GGA2: variants seen among roughly 807,000 people sequenced by gnomAD.
GGA2 encodes the protein ADP-ribosylation factor-binding protein GGA2.
A neutral mutation model predicts 79.5 loss-of-function variants in GGA2; 48 were observed. That is an observed-to-expected ratio of 0.60 (90% CI 0.48 to 0.77). The LOEUF (loss-of-function observed/expected upper bound fraction) is 0.77, where lower values mean the gene tolerates loss of function less well. Ranked by LOEUF, GGA2 falls within the 30% of genes least tolerant of loss-of-function variation. The pLI, the probability that GGA2 is intolerant of heterozygous loss-of-function variation, is 0.00. For missense variants in GGA2, 770 were observed against 774.0 expected (o/e 0.99, Z 0.06); for synonymous variants, 317 against 302.0 (o/e 1.05, Z -0.51).
intron 6 of GGA2, among the ~76,000 whole-genome samples, chr16:23,487,491 C>T (rs1964730182): frequency 6.6e-6 from 1 of 152,172 alleles, no homozygotes; most frequent in African/African-American, 2.4e-5. Flanking sequence ...ACTAGGTCTG[C>T]AGTTGCCCTG....
chr16:23,480,682 T>C lies in GGA2; in HGVS notation c.969A>G (p.Arg323=), dbSNP rs772835267. 1 of 1,613,126 alleles carries C rather than the reference T, an allele frequency of 6.2e-7. No individual in the cohort carries two copies. The highest frequency in any genetic ancestry group is 1.7e-5 in the Admixed American group (1 of 60,030). The change falls in exon 10 of 17, where the codon AGA becomes AGG. Residue 323 remains arginine (R), a synonymous_variant. Coordinates refer to ENST00000309859, the MANE Select transcript of GGA2 (RefSeq NM_015044.4). ...GGATGTCTCCCAATGAGCTGGTCAC[T>C]CTGTTTCCAAAGGTGACCCGGCCCT... is the stretch of plus-strand genomic sequence containing the variant. The part of the protein sequence containing the change: ...VMEGRVTFGN[R]VTSSLGDIPV...
chr16:23,508,937 CT>C (rs572858880), intron 1 of GGA2, among the ~76,000 whole-genome samples: 1 of 150,390 alleles, frequency 6.6e-6, no homozygotes, highest in South Asian at 2.1e-4. Flanking sequence ...TCCTTGTCCC[CT>C]GTCTGCATTC....
chr16:23,470,321 C>G (rs994736831), intron 14 of GGA2, among the ~76,000 whole-genome samples, 156 bp from the exon 15 acceptor site: 1 of 152,144 alleles, frequency 6.6e-6, no homozygotes, highest in African/African-American at 2.4e-5. Flanking sequence ...TAATCCAAGT[C>G]CTCATGACTC....
At chr16:23,468,379 T>C (rs1213571465) in intron 16 of GGA2, among the ~76,000 whole-genome samples, 5 of 152,188 alleles carry the variant, frequency 3.3e-5, no homozygotes, top group Admixed American at 2.6e-4. Context: ...GGTTTCACCA[T>C]GTTGGCCAGG....
upstream of GGA2, among the ~76,000 whole-genome samples, chr16:23,514,897 G>T (rs1332460127): frequency 2.0e-5 from 3 of 152,238 alleles, no homozygotes; most frequent in East Asian, 5.8e-4. Flanking sequence ...CCGCCACACA[G>T]TTTCAGATCT....
chr16:23,474,969 G>A lies in GGA2; in HGVS notation c.1385C>T (p.Pro462Leu), dbSNP rs865953469. The A allele has an allele frequency of 6.2e-7, 1 of 1,612,236 alleles. No homozygotes were observed. Among genetic ancestry groups the A allele is most frequent in the South Asian group, 1.1e-5 (1 of 91,050 alleles). The change falls in exon 14 of 17, where the codon CCT becomes CTT. Residue 462 changes from proline to leucine, a missense_variant. Transcript: ENST00000309859. ...AGGTGTATTCTGTGAAGATGGGGAA[G>A]GAGCCAACGGGCCAGCCTCCCAGGA... The part of the protein sequence containing the change: ...GWSWEAGPLA[P>L]SPSSQNTPLA...
intron 13 of GGA2, among the ~76,000 whole-genome samples, chr16:23,477,575 C>T (rs1964590693): frequency 6.6e-6 from 1 of 151,830 alleles, no homozygotes; most frequent in African/African-American, 2.4e-5. Flanking sequence ...AACCCCATCT[C>T]TACTAAAAAA....
chr16:23,482,072 G>A (rs550824160), intron 9 of GGA2, among the ~76,000 whole-genome samples: 1 of 152,228 alleles, frequency 6.6e-6, no homozygotes, highest in East Asian at 1.9e-4. Flanking sequence ...TTTGAAACCA[G>A]CCTGGCCAAA....
chr16:23,488,224 A>G (rs377072798), intron 6 of GGA2, among the ~76,000 whole-genome samples: 16 of 152,168 alleles, frequency 1.1e-4, no homozygotes, highest in African/African-American at 3.9e-4. Flanking sequence ...CCCACGGGCT[A>G]TCCTTCTGCA....
intron 2 of GGA2, 73 bp from the exon 3 acceptor site, chr16:23,494,451 G>T: frequency 1.0e-6 from 1 of 973,380 alleles, no homozygotes; most frequent in Non-Finnish European, 1.7e-6. Flanking sequence ...AGCATGCTCA[G>T]TAAAATCACT....
At chr16:23,486,296 G>C in intron 7 of GGA2, 144 bp from the exon 8 acceptor site, 1 of 711,836 alleles carries the variant, frequency 1.4e-6, no homozygotes, top group African/African-American at 1.8e-5. Context: ...CTCACACAGT[G>C]GGTGAAAAAA....
At chr16:23,492,050 C>A (rs979776345) in intron 4 of GGA2, among the ~76,000 whole-genome samples, 2 of 152,218 alleles carry the variant, frequency 1.3e-5, no homozygotes, top group African/African-American at 4.8e-5. Context: ...CTGTTCTACA[C>A]CACTGGGGAC....
chr16:23,493,867 G>T, intron 3 of GGA2: 1 of 295,596 alleles, frequency 3.4e-6, no homozygotes, highest in Non-Finnish European at 6.5e-6. Context: ...CCCTCCTCTC[G>T]TCCATACTGT....
chr16:23,503,001 T>G (rs1331934045), intron 1 of GGA2, among the ~76,000 whole-genome samples: 1 of 152,240 alleles, frequency 6.6e-6, no homozygotes, highest in Non-Finnish European at 1.5e-5. Context: ...TGCTGTCTTT[T>G]GTTACACCCT....
chr16:23,521,150 CTCAG>C (rs1965138965), intron 1 of GGA2, among the ~76,000 whole-genome samples: 1 of 152,108 alleles, frequency 6.6e-6, no homozygotes, highest in Non-Finnish European at 1.5e-5. Flanking sequence ...AATTTACCAT[CTCAG>C]TCATTTTTAA....
intron 14 of GGA2, among the ~76,000 whole-genome samples, chr16:23,471,888 G>A (rs572920125): frequency 2.6e-5 from 4 of 152,032 alleles, no homozygotes; most frequent in Admixed American, 6.6e-5. Flanking sequence ...CTGCCTAGGC[G>A]ATGGAGCGAG....
chr16:23,504,443 C>T (rs566650729), intron 1 of GGA2, among the ~76,000 whole-genome samples: 5 of 152,230 alleles, frequency 3.3e-5, no homozygotes, highest in Non-Finnish European at 5.9e-5. Flanking sequence ...ACTGAATGAA[C>T]GATTCCTCTT....
intron 4 of GGA2, 48 bp downstream of exon 4, chr16:23,493,312 G>A (rs751855312): frequency 2.0e-5 from 22 of 1,102,842 alleles, no homozygotes; most frequent in Non-Finnish European, 2.9e-5. Context: ...GAGTTTGACA[G>A]TGGGCGTAGG....
chr16:23,524,235 C>CA (rs961968725), upstream of GGA2: 24 of 757,744 alleles, frequency 3.2e-5, no homozygotes, highest in Non-Finnish European at 4.8e-5. Context: ...CACTTGTGTG[C>CA]AGTCAGAGAT....
Sources: allele counts gnomAD v4.1 joint callset (sites outside exome capture counted in the v4.1 genomes callset), GRCh38; gene constraint gnomAD v4.1.1; transcripts MANE v1.5; gene names NCBI Gene and HGNC (gene_info 2026-07-23, HGNC 2026-07-21).